The following SLC35F6 variants were observed in gnomAD, a reference collection of about 807,000 sequenced individuals.
The protein encoded by SLC35F6 is solute carrier family 35 member F6, also known as ANT2-binding protein.
A neutral mutation model predicts 29.4 loss-of-function variants in SLC35F6; 26 were observed. The ratio of observed to expected loss-of-function variants is 0.89; its 90% CI spans 0.65 to 1.23. SLC35F6 has a LOEUF of 1.23. SLC35F6 is among the 50% of genes most tolerant of loss of function. SLC35F6 has a pLI of 0.00. For synonymous variants in SLC35F6, 174 were observed against 206.6 expected (o/e 0.84, Z 1.35); for missense variants, 428 against 487.8 (o/e 0.88, Z 1.15).
intron 1 of SLC35F6, among the ~76,000 whole-genome samples, chr2:26,773,085 C>T (rs1664226900): frequency 6.6e-6 from 1 of 152,144 alleles, no homozygotes; most frequent in Non-Finnish European, 1.5e-5. Flanking sequence ...AGTCATTTCC[C>T]AGGACCCAAA....
chr2:26,778,788 T>C lies in SLC35F6; in HGVS notation c.*277T>C. ...CTCCTACAGCACTAGAGCTAAATCATGAAGTTGAATTGTAGGAATTTACCA... is the reference window on the plus strand; with the variant it reads ...CTCCTACAGCACTAGAGCTAAATCACGAAGTTGAATTGTAGGAATTTACCA... On this transcript the variant is annotated 3_prime_UTR_variant, in exon 6 of 6. Coordinates refer to ENST00000344420, the MANE Select transcript of SLC35F6 (RefSeq NM_017877.4). 2.3e-6 allele frequency: 1 copy of C among 435,602 alleles called. No individual in the cohort carries two copies. The highest frequency in any genetic ancestry group is 4.1e-6 in the Non-Finnish European group (1 of 246,336). The allele number at this position is 435,602 out of a possible 1,614,324, so 27.0% of individuals were successfully genotyped here.
intron 2 of SLC35F6, among the ~76,000 whole-genome samples, 173 bp from the exon 3 acceptor site, chr2:26,774,871 G>T (rs1333966875): frequency 6.6e-6 from 1 of 152,096 alleles, no homozygotes. Flanking sequence ...GGGCTTTGGG[G>T]CAGACCTAGG....
chr2:26,768,204 G>A (rs1333584631), intron 1 of SLC35F6, among the ~76,000 whole-genome samples: 1 of 152,172 alleles, frequency 6.6e-6, no homozygotes, highest in Non-Finnish European at 1.5e-5. Context: ...TAACTCAGGA[G>A]GACAGTGTAG....
In SLC35F6 at chr2:26,778,301, C is replaced by T. The variant is rs758988437; in HGVS notation, c.906C>T (p.Val302=). Residue 302 remains valine (V), a synonymous_variant, in exon 6 of 6, where the codon GTC becomes GTT. Transcript: ENST00000344420. ...RMVLDSLRTV[V]IWALSLALGW... ...TGTTGGACAGCTTGCGCACCGTTGT[C>T]ATCTGGGCACTGAGCCTGGCACTGG... 1.2e-6 allele frequency: 2 copies of T among 1,614,222 alleles called. No individual in the cohort carries two copies. Among genetic ancestry groups the T allele is most frequent in the East Asian group, 4.5e-5 (2 of 44,880 alleles).
rs1373995485 is a variant in SLC35F6, at chr2:26,778,083, A to G, written c.688A>G (p.Met230Val). 1 of 1,613,796 alleles carries G rather than the reference A, an allele frequency of 6.2e-7. No homozygotes were observed. The highest frequency in any genetic ancestry group is 2.2e-5 in the East Asian group (1 of 44,854). ...GATCCTCTCCCTGCTGCTGGTGCCC[A>G]TGTACTACATCCCCGCCGGCTCCTT... ...FVILSLLLVP[M>V]YYIPAGSFSG... Residue 230 changes from methionine (M) to valine (V), a missense_variant, in exon 6 of 6, where the codon ATG becomes GTG. Physicochemically the swap from Met to Val is conservative, Grantham distance 21. Coordinates refer to ENST00000344420, the MANE Select transcript of SLC35F6 (RefSeq NM_017877.4).
intron 1 of SLC35F6, among the ~76,000 whole-genome samples, chr2:26,769,111 G>T (rs1215945108): frequency 6.6e-6 from 1 of 152,214 alleles, no homozygotes; most frequent in Non-Finnish European, 1.5e-5. Context: ...GGGGACACAA[G>T]AGGAAGTGGC....
At chr2:26,766,685 GC>G (rs1241524871) in intron 1 of SLC35F6, among the ~76,000 whole-genome samples, 1 of 152,152 alleles carries the variant, frequency 6.6e-6, no homozygotes, top group African/African-American at 2.4e-5. Context: ...ACTAGCAGAA[GC>G]ATCTCATGCA....
chr2:26,776,932 G>A (rs1558294288), intron 5 of SLC35F6, among the ~76,000 whole-genome samples: 1 of 152,204 alleles, frequency 6.6e-6, no homozygotes, highest in African/African-American at 2.4e-5. Flanking sequence ...AGGTGCGGTG[G>A]CTCATACCTG....
At chr2:26,764,465 C>A (rs1222484527) in intron 1 of SLC35F6, 39 bp downstream of exon 1, 1 of 1,548,586 alleles carries the variant, frequency 6.5e-7, no homozygotes, top group Non-Finnish European at 8.7e-7. Context: ...GCCCTGGCGA[C>A]CCCGGCGCTC....
chr2:26,776,932 G>T (rs1558294288), intron 5 of SLC35F6, among the ~76,000 whole-genome samples: 1 of 152,204 alleles, frequency 6.6e-6, no homozygotes, highest in East Asian at 1.9e-4. Flanking sequence ...AGGTGCGGTG[G>T]CTCATACCTG....
At position 26,775,003 on chromosome 2, in the gene SLC35F6, T is replaced by C. The variant is rs781662991; in HGVS notation, c.151-41T>C. 5.1e-6 allele frequency: 8 copies of C among 1,568,578 alleles called. No individual in the cohort carries two copies. The highest frequency in any genetic ancestry group is 6.9e-6 in the Non-Finnish European group (8 of 1,156,276). On this transcript the variant is annotated intron_variant, in intron 2 of 5. Transcript: ENST00000344420. The surrounding 1 kb of genome is among the most constrained non-coding windows in gnomAD (Gnocchi z 4.6). ...AAATAGTTAAAGATGATCCCCGAGA[T>C]CCCTTCCAGCTCTGAAGTCCTCGGG...
intron 5 of SLC35F6, among the ~76,000 whole-genome samples, chr2:26,777,399 C>G (rs1317317606): frequency 1.3e-5 from 2 of 152,178 alleles, no homozygotes; most frequent in African/African-American, 4.8e-5. Context: ...GCTGCGCTTT[C>G]AAAGAATGTC....
Position 26,767,656 on chromosome 2 carries a change from A to T in SLC35F6, c.77+3230A>T, listed in dbSNP as rs1281942169. 2.0e-5 allele frequency among the ~76,000 whole-genome samples: 3 copies of T among 152,104 alleles called. No homozygotes were observed. In the East Asian group the frequency reaches 5.8e-4, roughly 29 times the overall value. Reference sequence around the variant, plus strand: ...TTCTGTCTACGTGAGCCAGTGCCCCATCCACAGGTACTCATTTCAGAACCC... The same window carrying T: ...TTCTGTCTACGTGAGCCAGTGCCCCTTCCACAGGTACTCATTTCAGAACCC... On this transcript the variant is annotated intron_variant, in intron 1 of 5. Transcript: ENST00000344420.
At chr2:26,774,401 G>A (rs937943732) in intron 2 of SLC35F6, 78 bp downstream of exon 2, 3 of 1,530,630 alleles carry the variant, frequency 2.0e-6, no homozygotes, top group Admixed American at 3.5e-5. Flanking sequence ...AGGCCAGGCT[G>A]TTTCCTGACT....
At chr2:26,772,775 A>G (rs1229587892) in intron 1 of SLC35F6, among the ~76,000 whole-genome samples, 2 of 152,234 alleles carry the variant, frequency 1.3e-5, no homozygotes, top group East Asian at 3.8e-4. Flanking sequence ...ACAAGATTCC[A>G]CAGACCTAAC....
At chr2:26,778,020 A>T (rs1664333302) in intron 5 of SLC35F6, 22 bp from the exon 6 acceptor site, 1 of 1,594,858 alleles carries the variant, frequency 6.3e-7, no homozygotes, top group Admixed American at 1.7e-5. Context: ...TGGAGAGTGT[A>T]ACTGTTTCCT....
rs1394160736 is a variant in SLC35F6, at chr2:26,778,126, G to A, written c.731G>A (p.Gly244Glu). 6.2e-7 allele frequency: 1 copy of A among 1,614,176 alleles called. No homozygotes were observed. The highest frequency in any genetic ancestry group is 2.2e-5 in the East Asian group (1 of 44,878). ...GGCTCCTTCAGCGGAAACCCTCGTGGGACACTGGAGGATGCATTGGACGCC... is the reference window on the plus strand; with the variant it reads ...GGCTCCTTCAGCGGAAACCCTCGTGAGACACTGGAGGATGCATTGGACGCC... The part of the protein sequence containing the change: ...PAGSFSGNPR[G>E]TLEDALDAFC... Residue 244 changes from glycine to glutamate, a missense_variant, in exon 6 of 6, where the codon GGG becomes GAG. Transcript: ENST00000344420.
In SLC35F6 at chr2:26,778,618, C is replaced by G. The variant is rs1664351752; in HGVS notation, c.*107C>G. 1 of 1,108,414 alleles carries G rather than the reference C, an allele frequency of 9.0e-7. No homozygotes were observed. The highest frequency in any genetic ancestry group is 3.1e-4 in the Middle Eastern group (1 of 3,252). 68.7% of individuals were successfully genotyped at this position (1,108,414 alleles called of 1,614,324 possible). A position where few individuals can be genotyped will look rare whatever the true frequency, so the allele number is the denominator to read the frequency against. ...CCCTATCCCCAAGGCCTCACCCTGT[C>G]CCCTCCCTGCAGAACCCCCAGGGCA... On this transcript the variant is annotated 3_prime_UTR_variant, in exon 6 of 6. Transcript: ENST00000344420.
In SLC35F6 at chr2:26,778,838, TA is replaced by T. The variant is rs1664355269; in HGVS notation, c.*328del. 3.2e-6 allele frequency: 1 copy of T among 316,238 alleles called. No individual in the cohort carries two copies. The highest frequency in any genetic ancestry group is 2.1e-5 in the African/African-American group (1 of 47,332). 19.6% of individuals were successfully genotyped at this position (316,238 alleles called of 1,614,324 possible). On this transcript the variant is annotated 3_prime_UTR_variant, in exon 6 of 6. Transcript: ENST00000344420. Reference sequence around the variant, plus strand: ...ACCGTAGTGTATCTGAATCATAAACTAGATTATCATAGTTATCTAGTTTATG... The same window carrying T: ...ACCGTAGTGTATCTGAATCATAAACTGATTATCATAGTTATCTAGTTTATG...
Sources: allele counts gnomAD v4.1 joint callset (sites outside exome capture counted in the v4.1 genomes callset), GRCh38; gene constraint gnomAD v4.1.1; non-coding constraint Gnocchi (gnomAD v3.1); transcripts MANE v1.5; gene names NCBI Gene and HGNC (gene_info 2026-07-23, HGNC 2026-07-21).